The following NAT1 variants were observed in gnomAD, a reference collection of about 807,000 sequenced individuals.
The protein encoded by NAT1 is arylamine N-acetyltransferase 1.
For synonymous variants in NAT1, 144 were observed against 122.6 expected (o/e 1.17, Z -1.16); for missense variants, 400 against 339.2 (o/e 1.18, Z -1.41).
At chr8:18,217,303 G>GTTAA (rs28359503) in intron 1 of NAT1, among the ~76,000 whole-genome samples, 2 of 151,982 alleles carry the variant, frequency 1.3e-5, no homozygotes, top group East Asian at 1.9e-4. Flanking sequence ...CATTATCAGG[G>GTTAA]TTAATACTCA....
chr8:18,182,726 A>G (rs949260666), intron 2 of NAT1, among the ~76,000 whole-genome samples: 3 of 152,082 alleles, frequency 2.0e-5, no homozygotes, highest in African/African-American at 7.2e-5. Flanking sequence ...ATTTTTGACT[A>G]TTTGCATTTT....
upstream of NAT1, chr8:18,209,805 C>T (rs982650796): frequency 2.6e-5 from 4 of 152,166 alleles, no homozygotes; most frequent in Non-Finnish European, 5.9e-5. Flanking sequence ...TTTTCCTGGA[C>T]CTGTTCCAAG....
At chr8:18,188,593 G>C (rs1292229159) in intron 2 of NAT1, among the ~76,000 whole-genome samples, 1 of 151,878 alleles carries the variant, frequency 6.6e-6, no homozygotes, top group Admixed American at 6.6e-5. Context: ...TTTTGTGTAT[G>C]TTTGAATTTT....
intron 2 of NAT1, among the ~76,000 whole-genome samples, chr8:18,197,742 G>A (rs146467550): frequency 1.4e-4 from 22 of 152,300 alleles, no homozygotes; most frequent in African/African-American, 5.3e-4. Context: ...CAGTTTAGGA[G>A]TAAATATTGG....
intron 2 of NAT1, among the ~76,000 whole-genome samples, chr8:18,204,604 G>A (rs1803627684): frequency 6.6e-6 from 1 of 152,038 alleles, no homozygotes; most frequent in Non-Finnish European, 1.5e-5. Context: ...ACAAAAAATT[G>A]AGGAAACATC....
Position 18,174,477 on chromosome 8 carries a change from C to T in NAT1, n.92+3738C>T, listed in dbSNP as rs527601396. Among the ~76,000 whole-genome samples, 8 of 152,160 alleles carry T rather than the reference C, an allele frequency of 5.3e-5. No homozygotes were observed. In the South Asian group the frequency reaches 1.7e-3, roughly 32 times the overall value. On this transcript the variant is annotated intron_variant and non_coding_transcript_variant, in intron 2 of 4. Transcript: ENST00000517441. Reference sequence around the variant, plus strand: ...CCTTCATAAAGATATTCAAGGATGGCTGGAAAATTCTTAAGTTGTCAGAGG... The same window carrying T: ...CCTTCATAAAGATATTCAAGGATGGTTGGAAAATTCTTAAGTTGTCAGAGG...
At chr8:18,175,414 T>C (rs1306083002) in intron 2 of NAT1, among the ~76,000 whole-genome samples, 1 of 152,114 alleles carries the variant, frequency 6.6e-6, no homozygotes, top group Non-Finnish European at 1.5e-5. Context: ...ATACTTTTTG[T>C]TTCTATGAGA....
At chr8:18,193,162 T>C (rs1803082569) in intron 2 of NAT1, among the ~76,000 whole-genome samples, 1 of 144,182 alleles carries the variant, frequency 6.9e-6, no homozygotes, top group Non-Finnish European at 1.5e-5. Flanking sequence ...CACTGTAGCC[T>C]TGACCTCCTG....
At chr8:18,220,488 C>T (rs961209325) in intron 2 of NAT1, among the ~76,000 whole-genome samples, 1 of 152,030 alleles carries the variant, frequency 6.6e-6, no homozygotes, top group Non-Finnish European at 1.5e-5. Flanking sequence ...ATCATAGTCT[C>T]AAAAGGTTAA....
intron 1 of NAT1, chr8:18,170,644 T>A (rs1272249159): frequency 6.6e-6 from 1 of 152,202 alleles, no homozygotes; most frequent in Non-Finnish European, 1.5e-5. Flanking sequence ...ATAAAGTTTG[T>A]TAAATTTAAT....
At chr8:18,219,073 TG>T (rs1805000641) in intron 1 of NAT1, among the ~76,000 whole-genome samples, 1 of 152,108 alleles carries the variant, frequency 6.6e-6, no homozygotes, top group Non-Finnish European at 1.5e-5. Context: ...TGGTAGTGAC[TG>T]GGGGCATGGA....
chr8:18,201,816 T>C (rs2117294356), intron 2 of NAT1, among the ~76,000 whole-genome samples: 1 of 152,322 alleles, frequency 6.6e-6, no homozygotes, highest in East Asian at 1.9e-4. Flanking sequence ...CTAAGTGCTC[T>C]ACCTTCCAGC....
rs1017952816 is a variant in NAT1 at position 18,222,837 on chromosome 8, G to C, written c.790G>C (p.Glu264Gln). 3.1e-6 allele frequency: 5 copies of C among 1,602,138 alleles called. No homozygotes were observed. The highest frequency in any genetic ancestry group is 1.8e-5 in the Admixed American group (1 of 57,074). ...CAAGACTCTGAGTGAGGAAGAAATA[G>C]AAAAAGTGCTGAAAAATATATTTAA... is the stretch of plus-strand genomic sequence containing the variant. ...EFKTLSEEEI[E>Q]KVLKNIFNIS... is the part of the protein sequence containing the mutation. The change falls in exon 3 of 3, where the codon GAA (glutamate) becomes CAA (glutamine). Residue 264 changes from glutamate to glutamine, a missense_variant. Physicochemically the swap from Glu to Gln is conservative, Grantham distance 29. Coordinates refer to ENST00000307719, the MANE Select transcript of NAT1 (RefSeq NM_000662.8).
At chr8:18,194,150 T>C (rs1459016511) in intron 2 of NAT1, among the ~76,000 whole-genome samples, 6 of 152,130 alleles carry the variant, frequency 3.9e-5, no homozygotes. Context: ...TTGTGTTCAC[T>C]GGAGGTGGGG....
At chr8:18,205,622 C>A (rs904472171), upstream of NAT1, among the ~76,000 whole-genome samples, 1 of 152,146 alleles carries the variant, frequency 6.6e-6, no homozygotes, top group Non-Finnish European at 1.5e-5. Context: ...CACACATACT[C>A]GCCTGCTGGT....
chr8:18,213,849 T>C (rs141221776), intron 1 of NAT1, among the ~76,000 whole-genome samples: 1,765 of 150,820 alleles, frequency 0.012, 17 homozygotes, highest in South Asian at 0.037. Context: ...GGAGTCTCAC[T>C]CTCGCCCAGG....
At chr8:18,177,010 A>C (rs1018884333) in intron 2 of NAT1, among the ~76,000 whole-genome samples, 1 of 151,976 alleles carries the variant, frequency 6.6e-6, no homozygotes, top group Non-Finnish European at 1.5e-5. Context: ...TTTCTTTTCC[A>C]GATAGTTTGT....
At chr8:18,215,862 C>T (rs542483595) in intron 1 of NAT1, among the ~76,000 whole-genome samples, 11 of 152,140 alleles carry the variant, frequency 7.2e-5, no homozygotes, top group African/African-American at 2.7e-4. Context: ...AATGACGAGA[C>T]GAGTCTCAAT....
chr8:18,193,444 G>A (rs1264048651), intron 2 of NAT1, among the ~76,000 whole-genome samples: 7 of 139,230 alleles, frequency 5.0e-5, no homozygotes, highest in African/African-American at 7.7e-5. Context: ...GTGAGAGAGT[G>A]AGACTCTGTC....
Sources: gnomAD v4.1 joint callset for allele counts (sites outside exome capture counted in the v4.1 genomes callset) on GRCh38, gnomAD v4.1.1 for gene constraint, MANE v1.5 for transcripts, NCBI Gene and HGNC (gene_info 2026-07-23, HGNC 2026-07-21) for gene names.